The following NRXN3 variants were observed in gnomAD, a reference collection of about 807,000 sequenced individuals.
The protein encoded by NRXN3 is neurexin 3, also known as neurexin III.
NRXN3 carries 32 observed loss-of-function variants against 137.6 expected under a neutral mutation model. The ratio of observed to expected loss-of-function variants is 0.23; its 90% confidence interval spans 0.18 to 0.31. The LOEUF is 0.31. NRXN3 is among the 10% of genes least tolerant of loss of function. NRXN3 has a pLI of 1.00. For missense variants in NRXN3, 1,574 were observed against 2,062.5 expected, an observed-to-expected ratio of 0.76 and a Z score of 4.59; for synonymous variants, 798 against 784.5, an observed-to-expected ratio of 1.02 and a Z score of -0.29.
intron 15 of NRXN3, among the ~76,000 whole-genome samples, chr14:79,445,482 C>A (rs2096048098): frequency 6.6e-6 from 1 of 152,138 alleles, no homozygotes; most frequent in South Asian, 2.1e-4. Context: ...CATGGACTTG[C>A]ATTCTAGAAG....
chr14:78,320,855 T>G lies in NRXN3; in HGVS notation c.757+22995T>G, dbSNP rs2091903. On this transcript the variant is annotated intron_variant, in intron 4 of 20. Transcript: ENST00000335750. ...AGCCCTGGCTGGGTGCGGTGGCTCA[T>G]GCCTGTAATCCCAGAACTTTGGGAG... 1.4e-4 allele frequency among the ~76,000 whole-genome samples: 22 copies of G among 151,888 alleles called. 1 individual carries two copies. The highest frequency in any genetic ancestry group is 6.6e-5 in the Admixed American group (1 of 15,260).
chr14:79,087,356 G>A (rs1022164161), intron 15 of NRXN3, among the ~76,000 whole-genome samples: 23 of 152,220 alleles, frequency 1.5e-4, no homozygotes, highest in South Asian at 2.1e-4. Context: ...TCAGCCTCTT[G>A]AACATGCTGC....
intron 11 of NRXN3, among the ~76,000 whole-genome samples, chr14:78,959,624 T>C (rs1455829508): frequency 1.3e-5 from 2 of 152,046 alleles, no homozygotes; most frequent in African/African-American, 2.4e-5. Flanking sequence ...TAGACATAAC[T>C]CAGAAGCGGG....
At chr14:78,990,033 AT>A (rs1278538743) in intron 15 of NRXN3, among the ~76,000 whole-genome samples, 1 of 149,354 alleles carries the variant, frequency 6.7e-6, no homozygotes, top group Non-Finnish European at 1.5e-5. Flanking sequence ...ATTGTGTCTC[AT>A]TCTGGGATGT....
intron 15 of NRXN3, among the ~76,000 whole-genome samples, chr14:78,998,815 G>A (rs2099535717): frequency 6.7e-6 from 1 of 148,992 alleles, no homozygotes; most frequent in Non-Finnish European, 1.5e-5. Context: ...TGTTGGCCAG[G>A]CTGGTCTTGA....
chr14:79,527,636 G>T (rs2097132787), intron 16 of NRXN3, among the ~76,000 whole-genome samples: 1 of 151,984 alleles, frequency 6.6e-6, no homozygotes, highest in African/African-American at 2.4e-5. Flanking sequence ...ACTTTGGGGG[G>T]CCAAGGTGGG....
chr14:78,862,857 G>C (rs1232114584), intron 10 of NRXN3, among the ~76,000 whole-genome samples: 1 of 152,108 alleles, frequency 6.6e-6, no homozygotes, highest in Non-Finnish European at 1.5e-5. Context: ...ATATAAGTAG[G>C]CATAGCTGAT....
At chr14:79,368,276 A>AGAGGATTGGGGCAGACTATTTTATG (rs1414400353) in intron 15 of NRXN3, among the ~76,000 whole-genome samples, 3 of 152,218 alleles carry the variant, frequency 2.0e-5, no homozygotes, top group Non-Finnish European at 2.9e-5. Flanking sequence ...AAAACAATTA[A>AGAGGATTGGGGCAGACTATTTTATG]GAGGATTGGG....
chr14:78,903,348 C>T (rs562659950), intron 10 of NRXN3, among the ~76,000 whole-genome samples: 1 of 151,872 alleles, frequency 6.6e-6, no homozygotes, highest in Non-Finnish European at 1.5e-5. Flanking sequence ...CGCCACATTG[C>T]CCAGGCTGGT....
chr14:79,329,652 C>A (rs1216233265), intron 15 of NRXN3, among the ~76,000 whole-genome samples: 1 of 152,024 alleles, frequency 6.6e-6, no homozygotes. Flanking sequence ...TTTGTTGATC[C>A]CTAGTTAGGC....
intron 4 of NRXN3, among the ~76,000 whole-genome samples, chr14:78,574,566 G>T (rs193151810): frequency 3.7e-4 from 56 of 152,308 alleles, no homozygotes; most frequent in African/African-American, 1.3e-3. Flanking sequence ...TGCCCCGCTG[G>T]ATTTTGGACT....
chr14:78,934,975 TAATAATAAA>T (rs1004633630), intron 10 of NRXN3, among the ~76,000 whole-genome samples: 28 of 151,800 alleles, frequency 1.8e-4, no homozygotes, highest in African/African-American at 6.5e-4. Context: ...ATAATAATAA[TAATAATAAA>T]AGAAGAAATA....
chr14:79,279,632 C>G (rs1356041742), intron 15 of NRXN3: 1 of 987,180 alleles, frequency 1.0e-6, no homozygotes, highest in Non-Finnish European at 1.2e-6. Flanking sequence ...TGGTTTTCAT[C>G]CAGTTGGGAA....
intron 4 of NRXN3, among the ~76,000 whole-genome samples, chr14:78,309,973 A>AC (rs1477148239): frequency 6.6e-6 from 1 of 152,140 alleles, no homozygotes; most frequent in East Asian, 1.9e-4. Flanking sequence ...TAAAATACAC[A>AC]CCACAGATGT....
intron 19 of NRXN3, among the ~76,000 whole-genome samples, chr14:79,801,433 A>G (rs2099180243): frequency 6.6e-6 from 1 of 152,218 alleles, no homozygotes; most frequent in Non-Finnish European, 1.5e-5. Context: ...AATTTATTTA[A>G]ATTAGGAGTG....
At chr14:79,353,504 G>A (rs2093308090) in intron 15 of NRXN3, among the ~76,000 whole-genome samples, 1 of 151,896 alleles carries the variant, frequency 6.6e-6, no homozygotes, top group African/African-American at 2.4e-5. Context: ...AGGAATCAAG[G>A]TTTTTAAAGA....
intron 15 of NRXN3, among the ~76,000 whole-genome samples, chr14:79,441,775 G>GTA (rs2095964339): frequency 6.6e-6 from 1 of 151,656 alleles, no homozygotes; most frequent in Non-Finnish European, 1.5e-5. Context: ...CACACACACA[G>GTA]TATGTGTGTG....
intron 4 of NRXN3, among the ~76,000 whole-genome samples, chr14:78,338,610 C>T (rs754873906): frequency 5.3e-5 from 8 of 152,140 alleles, no homozygotes; most frequent in African/African-American, 1.4e-4. Flanking sequence ...GTGGGACAAC[C>T]GACCCACTCA....
rs182254559 is a variant in NRXN3, at chr14:79,703,550, A to C, written c.4014+5613A>C. Among the ~76,000 whole-genome samples, 7 of 152,142 alleles carry C rather than the reference A, an allele frequency of 4.6e-5. No individual in the cohort carries two copies. In the East Asian group the frequency reaches 1.4e-3, roughly 30 times the overall value. On this transcript the variant is annotated intron_variant, in intron 19 of 20. Coordinates refer to ENST00000335750, the MANE Select transcript of NRXN3 (RefSeq NM_001330195.2). The stretch of plus-strand genomic sequence containing the variant: ...TTTATAAAGAAAAGAGGTTTAATTG[A>C]CTCACAGTTCCGTATGCCTGGAGAG...
Sources: gnomAD v4.1 joint callset for allele counts (sites outside exome capture counted in the v4.1 genomes callset) on GRCh38, gnomAD v4.1.1 for gene constraint, MANE v1.5 for transcripts, NCBI Gene and HGNC (gene_info 2026-07-23, HGNC 2026-07-21) for gene names.